The following RNF150 variants were observed in gnomAD, a reference collection of about 807,000 sequenced individuals.
The protein encoded by RNF150 is ring finger protein 150.
RNF150 carries 24 observed loss-of-function variants against 39.3 expected under a neutral mutation model. The ratio of observed to expected loss-of-function variants is 0.61; its 90% CI spans 0.44 to 0.86. The LOEUF is 0.86. Among genes scored for constraint, RNF150 ranks in the 40% least tolerant of loss-of-function variants. The probability of loss-of-function intolerance (pLI) is 0.00; values close to 1 mark genes in which losing one functional copy is unlikely to be tolerated. For missense variants in RNF150, 502 were observed against 587.8 expected (o/e 0.85, Z 1.51); for synonymous variants, 255 against 227.3 (o/e 1.12, Z -1.10).
At position 140,928,963 on chromosome 4, in the gene RNF150, G is replaced by C. The variant is rs57537917; in HGVS notation, c.891-2890C>G. 8.5e-5 allele frequency among the ~76,000 whole-genome samples: 13 copies of C among 152,210 alleles called. 1 individual carries two copies. In the East Asian group the frequency reaches 2.5e-3, roughly 29 times the overall value. On this transcript the variant is annotated intron_variant, in intron 4 of 6. Transcript: ENST00000515673. ...TGCTCTCTGTGAGAGCAAAATCCTC[G>C]TTTGCTTGATTCACTGTTGCATCCT...
At chr4:141,053,175 T>G (rs1451257510) in intron 1 of RNF150, among the ~76,000 whole-genome samples, 2 of 152,184 alleles carry the variant, frequency 1.3e-5, no homozygotes, top group East Asian at 3.9e-4. Context: ...CATCTCTCCA[T>G]TTAAAACTAT....
intron 3 of RNF150, 146 bp downstream of exon 3, chr4:140,949,155 G>A (rs1287210929): frequency 2.1e-6 from 1 of 477,176 alleles, no homozygotes; most frequent in Non-Finnish European, 3.7e-6. Context: ...GTTTAATTAA[G>A]AAGAGTATAA....
chr4:140,939,672 A>T (rs1292479087), intron 4 of RNF150, among the ~76,000 whole-genome samples: 2 of 148,948 alleles, frequency 1.3e-5, no homozygotes, highest in Non-Finnish European at 3.0e-5. Context: ...TTGAGTGATG[A>T]CATCCCTTTC....
intron 5 of RNF150, among the ~76,000 whole-genome samples, chr4:140,918,811 G>C (rs1730969432): frequency 6.6e-6 from 1 of 152,074 alleles, no homozygotes; most frequent in African/African-American, 2.4e-5. Context: ...ACCAAATCCA[G>C]CAGCACATCA....
chr4:141,064,715 G>A (rs1188281560), intron 1 of RNF150, among the ~76,000 whole-genome samples: 1 of 152,144 alleles, frequency 6.6e-6, no homozygotes, highest in African/African-American at 2.4e-5. Flanking sequence ...TGGTAACTTG[G>A]TGATGGGCAG....
chr4:140,881,302 A>G (rs1279108695), intron 6 of RNF150, among the ~76,000 whole-genome samples: 2 of 152,040 alleles, frequency 1.3e-5, no homozygotes, highest in Non-Finnish European at 2.9e-5. Context: ...AGCTGGGACT[A>G]GAGGCATACA....
At chr4:140,966,623 G>C (rs1165105560) in intron 2 of RNF150, among the ~76,000 whole-genome samples, 1 of 152,000 alleles carries the variant, frequency 6.6e-6, no homozygotes, top group Non-Finnish European at 1.5e-5. Flanking sequence ...CTTGTAATAA[G>C]AAAAATGTGG....
chr4:140,999,952 AAG>A (rs1491545990), intron 1 of RNF150, among the ~76,000 whole-genome samples: 3 of 38,424 alleles, frequency 7.8e-5, no homozygotes, highest in Admixed American at 4.6e-4. Flanking sequence ...AAAGAAGAAG[AAG>A]AAGAAGAAGA....
intron 6 of RNF150, among the ~76,000 whole-genome samples, chr4:140,910,822 C>G (rs994579629): frequency 1.3e-5 from 2 of 152,178 alleles, no homozygotes; most frequent in East Asian, 3.9e-4. Flanking sequence ...GCCCTCCAGT[C>G]TGAGAGGCTC....
chr4:141,100,062 C>T (rs1467156479), intron 1 of RNF150, among the ~76,000 whole-genome samples: 1 of 152,044 alleles, frequency 6.6e-6, no homozygotes, highest in Non-Finnish European at 1.5e-5. Flanking sequence ...CCTTAGAATG[C>T]TAAAAAAATT....
Position 140,867,187 on chromosome 4 carries a change from A to G in RNF150, c.*1074T>C, listed in dbSNP as rs1728743505. The stretch of plus-strand genomic sequence containing the variant: ...GGTGAGATTCAACAGAAGTGTGTCG[A>G]AATTAAGGTAAAAGCTAGGTGCTAC... On this transcript the variant is annotated 3_prime_UTR_variant, in exon 7 of 7. Transcript: ENST00000515673. 1 of 152,194 alleles carries G rather than the reference A, an allele frequency of 6.6e-6. No homozygotes were observed. Among genetic ancestry groups the G allele is most frequent in the South Asian group, 2.1e-4 (1 of 4,832 alleles). The allele number at this position is 152,194 out of a possible 1,614,324, so 9.4% of individuals were successfully genotyped here. A position where few individuals can be genotyped will look rare whatever the true frequency, so the allele number is the denominator to read the frequency against.
intron 1 of RNF150, among the ~76,000 whole-genome samples, chr4:140,993,222 G>A (rs984244018): frequency 6.6e-6 from 1 of 152,190 alleles, no homozygotes; most frequent in African/African-American, 2.4e-5. Flanking sequence ...AGAATTCTAA[G>A]GGAGAACCTA....
chr4:141,078,832 T>C (rs13120883), intron 1 of RNF150, among the ~76,000 whole-genome samples: 97,792 of 102,922 alleles, frequency 0.95, 46,610 homozygotes, highest in Admixed American at 0.98. Flanking sequence ...TATATATATA[T>C]ACACACACAC....
At chr4:140,942,394 G>A (rs543346094) in intron 4 of RNF150, among the ~76,000 whole-genome samples, 29 of 152,282 alleles carry the variant, frequency 1.9e-4, no homozygotes, top group African/African-American at 7.0e-4. Flanking sequence ...TCAATGTGCC[G>A]ATGTTAAACA....
At chr4:141,136,679 G>A (rs980727057), upstream of RNF150, among the ~76,000 whole-genome samples, 7 of 152,230 alleles carry the variant, frequency 4.6e-5, no homozygotes, top group Admixed American at 4.6e-4. Context: ...ACCTGTTAAC[G>A]CATTGGTGTT....
intron 1 of RNF150, among the ~76,000 whole-genome samples, chr4:141,128,789 G>C (rs1227742036): frequency 6.6e-6 from 1 of 152,064 alleles, no homozygotes; most frequent in African/African-American, 2.4e-5. Context: ...TGTATGAGTT[G>C]AAAGTCTGGA....
intron 1 of RNF150, among the ~76,000 whole-genome samples, chr4:141,094,946 T>C (rs986627749): frequency 1.3e-5 from 2 of 152,226 alleles, no homozygotes; most frequent in African/African-American, 4.8e-5. Flanking sequence ...TGCTTCTGCA[T>C]ATGATTTGGA....
At chr4:140,974,417 A>G (rs528924585) in intron 1 of RNF150, among the ~76,000 whole-genome samples, 1 of 152,342 alleles carries the variant, frequency 6.6e-6, no homozygotes, top group South Asian at 2.1e-4. Flanking sequence ...CAATTGATGG[A>G]CATACGGATT....
intron 1 of RNF150, among the ~76,000 whole-genome samples, chr4:141,159,995 G>A (rs1236589375): frequency 1.3e-5 from 2 of 151,986 alleles, no homozygotes; most frequent in African/African-American, 4.8e-5. Flanking sequence ...GATTCCCAAA[G>A]GTTCTACAGC....
Sources: gnomAD v4.1 joint callset for allele counts (sites outside exome capture counted in the v4.1 genomes callset) on GRCh38, gnomAD v4.1.1 for gene constraint, MANE v1.5 for transcripts, NCBI Gene and HGNC (gene_info 2026-07-23, HGNC 2026-07-21) for gene names.